Variants in KCNIP4 observed in about 807,000 individuals in gnomAD.
KCNIP4 encodes the protein potassium voltage-gated channel interacting protein 4, also known as Kv channel-interacting protein 4.
KCNIP4 carries 12 observed loss-of-function variants against 34.0 expected under a neutral mutation model. The ratio of observed to expected loss-of-function variants is 0.35; its 90% CI spans 0.23 to 0.57. The LOEUF (loss-of-function observed/expected upper bound fraction) is 0.57, where lower values mean the gene tolerates loss of function less well. KCNIP4 is among the 20% of genes least tolerant of loss of function. The pLI is 0.83. For synonymous variants in KCNIP4, 124 were observed against 102.2 expected, an observed-to-expected ratio of 1.21 and a Z score of -1.29; for missense variants, 238 against 311.7, an observed-to-expected ratio of 0.76 and a Z score of 1.78.
At chr4:20,803,752 AGGAAAGAAGGAAGGAAGGAC>A (rs1288140218) in intron 3 of KCNIP4, among the ~76,000 whole-genome samples, 3 of 146,624 alleles carry the variant, frequency 2.0e-5, no homozygotes, top group Non-Finnish European at 3.0e-5. Flanking sequence ...GAAGGAAGGA[AGGAAAGAAGGAAGGAAGGAC>A]GGAAAATAGA....
In KCNIP4 at chr4:20,759,913, G is replaced by A. The variant is rs112172084; in HGVS notation, c.289-1023C>T. On this transcript the variant is annotated intron_variant, in intron 3 of 8. Coordinates refer to ENST00000382152, the MANE Select transcript of KCNIP4 (RefSeq NM_025221.6). Reference sequence around the variant, plus strand: ...TTGGGGCATTGCTTCCAGGACCACCGCGGATACCAAAATCCATGCACATTC... The same window carrying A: ...TTGGGGCATTGCTTCCAGGACCACCACGGATACCAAAATCCATGCACATTC... Among the ~76,000 whole-genome samples, 250 of 152,230 alleles carry A rather than the reference G, an allele frequency of 1.6e-3. 1 individual carries two copies. Among genetic ancestry groups the A allele is most frequent in the African/African-American group, 5.2e-3 (218 of 41,540 alleles).
chr4:21,571,149 C>T (rs1166122366), intron 1 of KCNIP4, among the ~76,000 whole-genome samples: 3 of 152,110 alleles, frequency 2.0e-5, no homozygotes, highest in African/African-American at 7.2e-5. Context: ...TTTATAATCC[C>T]CTCTGAGTGT....
At position 21,422,889 on chromosome 4, in the gene KCNIP4, C is replaced by G. The variant is rs148745310; in HGVS notation, c.61+525682G>C. Among the ~76,000 whole-genome samples the G allele has an allele frequency of 7.9e-3, 1,203 of 152,268 alleles. 53 individuals are homozygous for G. The highest frequency in any genetic ancestry group is 0.071 in the Admixed American group (1,092 of 15,294). ...AGAGTCCCAAGAAATGTTGTGACCACTGGTTGACCAGAAGATACTACGAGT... is the reference window on the plus strand; with the variant it reads ...AGAGTCCCAAGAAATGTTGTGACCAGTGGTTGACCAGAAGATACTACGAGT... On this transcript the variant is annotated intron_variant, in intron 1 of 8. Transcript: ENST00000382152.
intron 1 of KCNIP4, among the ~76,000 whole-genome samples, chr4:21,249,264 C>T (rs962580875): frequency 6.6e-6 from 1 of 151,844 alleles, no homozygotes; most frequent in African/African-American, 2.4e-5. Flanking sequence ...CAAAAACAGG[C>T]TTGGGTAACA....
At chr4:21,421,345 C>A (rs1725436849) in intron 1 of KCNIP4, among the ~76,000 whole-genome samples, 1 of 152,040 alleles carries the variant, frequency 6.6e-6, no homozygotes. Flanking sequence ...GCATTAGTCA[C>A]AATAGCCAGG....
chr4:21,199,346 T>C (rs1756295890), intron 1 of KCNIP4, among the ~76,000 whole-genome samples: 1 of 152,236 alleles, frequency 6.6e-6, no homozygotes. Flanking sequence ...TTTTTTCATG[T>C]GTCTGTTGGC....
intron 1 of KCNIP4, among the ~76,000 whole-genome samples, chr4:20,994,160 T>C (rs7699327): frequency 0.45 from 68,729 of 152,096 alleles, 16,133 homozygotes; most frequent in African/African-American, 0.57. Flanking sequence ...TAACCCAAAA[T>C]AACACAAATT....
rs371583280 is a variant in KCNIP4 at position 20,907,841 on chromosome 4, C to T, written c.62-25132G>A. ...CACGCCATTCTCCTTCCTCAGTCAC[C>T]GGAGTAGCTGGGACTACAGGCGCCC... On this transcript the variant is annotated intron_variant, in intron 1 of 8. Coordinates refer to ENST00000382152, the MANE Select transcript of KCNIP4 (RefSeq NM_025221.6). 5.9e-5 allele frequency among the ~76,000 whole-genome samples: 9 copies of T among 151,954 alleles called. No homozygotes were observed. In the South Asian group the frequency reaches 1.0e-3, roughly 18 times the overall value.
intron 1 of KCNIP4, among the ~76,000 whole-genome samples, chr4:21,775,052 T>G (rs955857469): frequency 4.6e-5 from 7 of 152,198 alleles, no homozygotes; most frequent in African/African-American, 1.7e-4. Context: ...TTTCAGCATT[T>G]TTTTCATTGA....
chr4:21,046,395 G>A (rs564437406), intron 1 of KCNIP4, among the ~76,000 whole-genome samples: 26 of 152,052 alleles, frequency 1.7e-4, no homozygotes, highest in East Asian at 1.4e-3. Flanking sequence ...CCTTTTCTCC[G>A]CCCAATTTTT....
intron 1 of KCNIP4, among the ~76,000 whole-genome samples, chr4:21,190,661 A>G (rs1227564347): frequency 3.9e-5 from 6 of 152,190 alleles, no homozygotes; most frequent in African/African-American, 7.2e-5. Flanking sequence ...CTAAACCCCA[A>G]TGGCTTTAAA....
intron 1 of KCNIP4, among the ~76,000 whole-genome samples, chr4:21,457,323 T>G (rs1729037361): frequency 6.6e-6 from 1 of 152,022 alleles, no homozygotes. Flanking sequence ...TGGCCCTTTC[T>G]CTTTACCTTC....
At chr4:21,219,638 A>G (rs895866465) in intron 1 of KCNIP4, among the ~76,000 whole-genome samples, 2 of 152,218 alleles carry the variant, frequency 1.3e-5, no homozygotes, top group Admixed American at 1.3e-4. Context: ...AGGGGACACG[A>G]TTAAATTGTA....
chr4:21,020,057 A>G (rs1394363668), intron 1 of KCNIP4, among the ~76,000 whole-genome samples: 2 of 152,180 alleles, frequency 1.3e-5, no homozygotes, highest in African/African-American at 4.8e-5. Context: ...GCCTTTAAAT[A>G]AAGCATGCTT....
Position 21,634,223 on chromosome 4 carries a change from CAAAAAAA to C in KCNIP4, c.61+314341_61+314347del, listed in dbSNP as rs376741978. ...TTAGGAAAGCTACGGGTTCTTTCCTCAAAAAAAAAAAAAAAAAAAAAAAACACATACA... is the reference window on the plus strand; with the variant it reads ...TTAGGAAAGCTACGGGTTCTTTCCTCAAAAAAAAAAAAAAAAACACATACA... On this transcript the variant is annotated intron_variant, in intron 1 of 8. Coordinates refer to ENST00000382152, the MANE Select transcript of KCNIP4 (RefSeq NM_025221.6). 9.0e-4 allele frequency among the ~76,000 whole-genome samples: 101 copies of C among 112,476 alleles called. 1 individual carries two copies. The highest frequency in any genetic ancestry group is 3.8e-3 in the East Asian group (15 of 3,956). 73.8% of individuals were successfully genotyped at this position (112,476 alleles called of 152,430 possible).
chr4:20,761,416 ACTAT>A (rs776169876), intron 3 of KCNIP4, among the ~76,000 whole-genome samples: 19 of 152,320 alleles, frequency 1.2e-4, no homozygotes, highest in East Asian at 1.9e-4. Flanking sequence ...AAACATTTTG[ACTAT>A]CTATCTAGCT....
At chr4:21,557,938 C>T (rs1207467745) in intron 1 of KCNIP4, among the ~76,000 whole-genome samples, 3 of 151,984 alleles carry the variant, frequency 2.0e-5, no homozygotes, top group South Asian at 2.1e-4. Context: ...ATGGGATATA[C>T]GAATGAAGGG....
At chr4:20,930,021 C>A (rs1379115506) in intron 1 of KCNIP4, among the ~76,000 whole-genome samples, 1 of 151,894 alleles carries the variant, frequency 6.6e-6, no homozygotes, top group African/African-American at 2.4e-5. Context: ...AAAAAAAATT[C>A]TTGAAATTCA....
At chr4:20,808,579 C>T (rs1297947080) in intron 3 of KCNIP4, among the ~76,000 whole-genome samples, 1 of 152,094 alleles carries the variant, frequency 6.6e-6, no homozygotes, top group Non-Finnish European at 1.5e-5. Flanking sequence ...CAAGAGTTGC[C>T]TCACTCGGTG....
Sources: allele counts gnomAD v4.1 joint callset (sites outside exome capture counted in the v4.1 genomes callset), GRCh38; gene constraint gnomAD v4.1.1; transcripts MANE v1.5; gene names NCBI Gene and HGNC (gene_info 2026-07-23, HGNC 2026-07-21).